Variants in ADAM17 observed in about 807,000 individuals in gnomAD.
ADAM17 encodes the protein ADAM metallopeptidase domain 17.
ADAM17 carries 39 observed loss-of-function variants against 96.7 expected under a neutral mutation model. That is an observed-to-expected ratio of 0.40 (90% CI 0.31 to 0.53). The LOEUF is 0.53. Ranked by LOEUF, ADAM17 falls within the 20% of genes least tolerant of loss-of-function variation. The pLI is 0.44. For missense variants in ADAM17, 777 were observed against 1,013.2 expected (o/e 0.77, Z 3.17); for synonymous variants, 344 against 359.2 (o/e 0.96, Z 0.48).
At chr2:9,546,642 GAC>G (rs1558527068) in intron 1 of ADAM17, among the ~76,000 whole-genome samples, 1 of 151,654 alleles carries the variant, frequency 6.6e-6, no homozygotes, top group East Asian at 1.9e-4. Flanking sequence ...ACCTGCTTCT[GAC>G]AGTAGAGTTT....
intron 18 of ADAM17, 69 bp downstream of exon 18, chr2:9,491,032 G>T: frequency 1.4e-6 from 2 of 1,414,678 alleles, no homozygotes; most frequent in Non-Finnish European, 2.0e-6. Flanking sequence ...GCTGGGTCAG[G>T]TGAAGGTCTT....
chr2:9,555,168 C>T (rs1390812557), intron 1 of ADAM17, among the ~76,000 whole-genome samples: 1 of 152,222 alleles, frequency 6.6e-6, no homozygotes, highest in East Asian at 1.9e-4. Context: ...AAGGCAAGAA[C>T]CCTGACCACA....
In ADAM17 at chr2:9,494,912, C is replaced by T. The variant is rs192994887; in HGVS notation, c.1784-145G>A. 4 of 958,726 alleles carry T rather than the reference C, an allele frequency of 4.2e-6. No individual in the cohort carries two copies. The East Asian group carries it at 8.4e-5, about 20-fold the overall frequency. The allele number at this position is 958,726 out of a possible 1,614,324, so 59.4% of individuals were successfully genotyped here. On this transcript the variant is annotated intron_variant, in intron 14 of 18. Coordinates refer to ENST00000310823, the MANE Select transcript of ADAM17 (RefSeq NM_003183.6). ...TAAATAGCTAATACTATCCATAGCCCCCACCAAGGAGTAGTTTCTGAGGTC... is the reference window on the plus strand; with the variant it reads ...TAAATAGCTAATACTATCCATAGCCTCCACCAAGGAGTAGTTTCTGAGGTC...
chr2:9,540,910 G>GA (rs1665181618), intron 2 of ADAM17, among the ~76,000 whole-genome samples: 2 of 152,288 alleles, frequency 1.3e-5, no homozygotes, highest in South Asian at 4.1e-4. Flanking sequence ...AAGATAACAG[G>GA]AAACAGGTAA....
chr2:9,512,193 G>A (rs1429065922), intron 10 of ADAM17: 1 of 152,042 alleles, frequency 6.6e-6, no homozygotes, highest in East Asian at 1.9e-4. Context: ...TCCCAAAGGT[G>A]TAATGAAGAG....
chr2:9,550,519 C>G (rs539729794), intron 1 of ADAM17, among the ~76,000 whole-genome samples: 33 of 146,950 alleles, frequency 2.2e-4, no homozygotes, highest in African/African-American at 8.0e-4. Flanking sequence ...AACCTTGGCA[C>G]ACTGCAACCT....
intron 18 of ADAM17, 56 bp downstream of exon 18, chr2:9,491,045 C>T: frequency 6.6e-7 from 1 of 1,514,804 alleles, no homozygotes; most frequent in Non-Finnish European, 9.1e-7. Flanking sequence ...AAGGTCTTTG[C>T]CTAACAGGGC....
In ADAM17 at chr2:9,547,638, G is replaced by C. The variant is rs79544428; in HGVS notation, c.98-4353C>G. 2.4e-3 allele frequency among the ~76,000 whole-genome samples: 367 copies of C among 152,320 alleles called. 1 individual carries two copies. The highest frequency in any genetic ancestry group is 8.5e-3 in the African/African-American group (353 of 41,578). Reference sequence around the variant, plus strand: ...CTCAATGAGGCTACAGTGCAGAGCAGTACAGAGAGAATATGAAGTGTGAGG... The same window carrying C: ...CTCAATGAGGCTACAGTGCAGAGCACTACAGAGAGAATATGAAGTGTGAGG... On this transcript the variant is annotated intron_variant, in intron 1 of 18. Transcript: ENST00000310823.
chr2:9,533,900 T>C (rs1301070020), intron 4 of ADAM17, among the ~76,000 whole-genome samples: 1 of 152,202 alleles, frequency 6.6e-6, no homozygotes, highest in Non-Finnish European at 1.5e-5. Flanking sequence ...GTTAAGCTAC[T>C]CAGCTATGGG....
chr2:9,502,106 T>C, intron 13 of ADAM17, 67 bp downstream of exon 13: 1 of 1,375,296 alleles, frequency 7.3e-7, no homozygotes, highest in Non-Finnish European at 1.0e-6. Context: ...CAAAACATAA[T>C]CTTGTTTTTC....
At chr2:9,555,470 T>C in intron 1 of ADAM17, 39 bp downstream of exon 1, 1 of 1,511,522 alleles carries the variant, frequency 6.6e-7, no homozygotes, top group Non-Finnish European at 8.9e-7. Flanking sequence ...AAACGAGCGC[T>C]CCAGGCGCCG....
intron 6 of ADAM17, among the ~76,000 whole-genome samples, chr2:9,525,003 G>A (rs1452597671): frequency 6.6e-6 from 1 of 152,022 alleles, no homozygotes; most frequent in East Asian, 1.9e-4. Flanking sequence ...CATATTTATA[G>A]TGCAATGAAC....
At chr2:9,500,706 C>CA (rs1333816798) in intron 13 of ADAM17, among the ~76,000 whole-genome samples, 2 of 151,842 alleles carry the variant, frequency 1.3e-5, no homozygotes, top group Non-Finnish European at 2.9e-5. Context: ...CAATTTAAGT[C>CA]AAAAAACATC....
chr2:9,551,062 G>C (rs1177575040), intron 1 of ADAM17, among the ~76,000 whole-genome samples: 1 of 149,354 alleles, frequency 6.7e-6, no homozygotes, highest in African/African-American at 2.5e-5. Flanking sequence ...GTGACAGTGA[G>C]ACTCTGTCTC....
At chr2:9,498,404 G>A (rs1400788099) in intron 13 of ADAM17, among the ~76,000 whole-genome samples, 1 of 152,114 alleles carries the variant, frequency 6.6e-6, no homozygotes, top group Admixed American at 6.5e-5. Context: ...GAATCATTCT[G>A]GAAAATGAAT....
At chr2:9,529,768 T>G (rs1219167176) in intron 4 of ADAM17, among the ~76,000 whole-genome samples, 1 of 152,038 alleles carries the variant, frequency 6.6e-6, no homozygotes, top group African/African-American at 2.4e-5. Context: ...GTCCAGGAGT[T>G]CGAGAACAGC....
intron 1 of ADAM17, among the ~76,000 whole-genome samples, chr2:9,545,655 T>C (rs1665377615): frequency 6.6e-6 from 1 of 152,172 alleles, no homozygotes; most frequent in African/African-American, 2.4e-5. Context: ...CACAAAGATG[T>C]TCATTATTCA....
In ADAM17 at chr2:9,523,230, C is replaced by A. The variant is rs1301455146; in HGVS notation, c.843+19G>T. 8 of 1,546,588 alleles carry A rather than the reference C, an allele frequency of 5.2e-6. No homozygotes were observed. The African/African-American group carries it at 9.6e-5, about 19-fold the overall frequency. ...ATTACAAAACTTAAGTAATATAAGC[C>A]ATATCTATTGATAAATACCTGCTCT... On this transcript the variant is annotated intron_variant, in intron 7 of 18. Coordinates refer to ENST00000310823, the MANE Select transcript of ADAM17 (RefSeq NM_003183.6).
chr2:9,555,729 TCC>T lies in ADAM17; in HGVS notation c.-126_-125del, dbSNP rs1027514833. On this transcript the variant is annotated 5_prime_UTR_variant, in exon 1 of 19. Transcript: ENST00000310823. ...CCTAGCCCCTCAATCCTCTTTTCCC[TCC>T]CGCGCCGCCTACTGGGAAGATTCTA... The T allele has an allele frequency of 6.3e-5, 47 of 751,504 alleles. No homozygotes were observed. The African/African-American group carries it at 7.3e-4, about 12-fold the overall frequency. The allele number at this position is 751,504 out of a possible 1,614,324, so 46.6% of individuals were successfully genotyped here.
Sources: allele counts gnomAD v4.1 joint callset (sites outside exome capture counted in the v4.1 genomes callset), GRCh38; gene constraint gnomAD v4.1.1; transcripts MANE v1.5; gene names NCBI Gene and HGNC (gene_info 2026-07-23, HGNC 2026-07-21).